Variants in PHLPP1 observed in about 807,000 individuals in gnomAD.
PHLPP1 encodes PH domain and leucine rich repeat protein phosphatase 1, also known as PH domain leucine-rich repeat-containing protein phosphatase 1.
Under a neutral mutation model 117.2 loss-of-function variants are expected in PHLPP1, and 42 were observed. The observed-to-expected ratio is 0.36, with a 90% CI of 0.28 to 0.46. The LOEUF is 0.46. Among genes scored for constraint, PHLPP1 ranks in the 20% least tolerant of loss-of-function variants. PHLPP1 has a pLI of 1.00. For synonymous variants in PHLPP1, 1,042 were observed against 970.7 expected, an observed-to-expected ratio of 1.07 and a Z score of -1.37; for missense variants, 2,084 against 2,241.9, an observed-to-expected ratio of 0.93 and a Z score of 1.42.
At chr18:62,925,021 C>T (rs1395325074) in intron 10 of PHLPP1, among the ~76,000 whole-genome samples, 1 of 151,756 alleles carries the variant, frequency 6.6e-6, no homozygotes, top group African/African-American at 2.4e-5. Context: ...AGATCATGGG[C>T]CTAGATTTCT....
intron 1 of PHLPP1, among the ~76,000 whole-genome samples, chr18:62,729,499 C>T (rs1025001881): frequency 3.3e-5 from 5 of 152,230 alleles, no homozygotes; most frequent in African/African-American, 1.2e-4. Context: ...GAGTTCGAGA[C>T]CCTGTCCCTA....
intron 1 of PHLPP1, among the ~76,000 whole-genome samples, chr18:62,819,691 G>A (rs1207958882): frequency 6.6e-6 from 1 of 152,102 alleles, no homozygotes; most frequent in Non-Finnish European, 1.5e-5. Context: ...TGTTGCACAG[G>A]CTGGAGTGCA....
chr18:62,921,364 C>G (rs545997099), intron 10 of PHLPP1, among the ~76,000 whole-genome samples: 1 of 152,290 alleles, frequency 6.6e-6, no homozygotes, highest in African/African-American at 2.4e-5. Flanking sequence ...TAAATGTTAG[C>G]TATGTTTCAG....
Position 62,895,817 on chromosome 18 carries a change from A to G in PHLPP1, c.2250A>G (p.Gln750=), listed in dbSNP as rs145325917. ...TTTTGTTGGATGGAAACTTTCTCCA[A>G]TCCCTTCCTGCTGAGTTGGAGAACA... ...QTFLLDGNFL[Q]SLPAELENMK... Residue 750 remains glutamine, a synonymous_variant, in exon 6 of 17, where the codon CAA becomes CAG. Transcript: ENST00000262719. The G allele has an allele frequency of 4.5e-5, 73 of 1,613,244 alleles. No homozygotes were observed. Among genetic ancestry groups the G allele is most frequent in the Non-Finnish European group, 5.4e-5 (64 of 1,179,222 alleles).
At chr18:62,741,064 G>C (rs1478733937) in intron 1 of PHLPP1, among the ~76,000 whole-genome samples, 1 of 152,170 alleles carries the variant, frequency 6.6e-6, no homozygotes, top group Non-Finnish European at 1.5e-5. Flanking sequence ...TAGCAAAGTT[G>C]TGTTTTGTAG....
chr18:62,867,250 A>G (rs1400025721), intron 4 of PHLPP1, among the ~76,000 whole-genome samples: 1 of 152,008 alleles, frequency 6.6e-6, no homozygotes, highest in Non-Finnish European at 1.5e-5. Flanking sequence ...TATTATGTGT[A>G]TACTGCTATG....
intron 1 of PHLPP1, among the ~76,000 whole-genome samples, chr18:62,748,899 T>C (rs886274990): frequency 3.3e-5 from 5 of 152,212 alleles, no homozygotes; most frequent in Non-Finnish European, 5.9e-5. Context: ...GTGTGTTCTT[T>C]AGTTCTCATT....
At position 62,958,843 on chromosome 18, in the gene PHLPP1, A is replaced by G. The variant is rs1039338126; in HGVS notation, c.3455+84A>G. The G allele has an allele frequency of 1.4e-5, 20 of 1,462,788 alleles. No homozygotes were observed. In the African/African-American group the frequency reaches 2.6e-4, roughly 19 times the overall value. 90.6% of individuals were successfully genotyped at this position (1,462,788 alleles called of 1,614,324 possible). ...TCTTAGTGAAAATGGGAAACAAAAT[A>G]TGAAGCATCATTGACTTGTTAGCTG... On this transcript the variant is annotated intron_variant, in intron 13 of 16. Coordinates refer to ENST00000262719, the MANE Select transcript of PHLPP1 (RefSeq NM_194449.4).
In PHLPP1 at chr18:62,860,610, G is replaced by T. The variant is rs192314431; in HGVS notation, c.2066+9G>T. 2 of 1,607,736 alleles carry T rather than the reference G, an allele frequency of 1.2e-6. No homozygotes were observed. On this transcript the variant is annotated intron_variant, in intron 4 of 16. Coordinates refer to ENST00000262719, the MANE Select transcript of PHLPP1 (RefSeq NM_194449.4). ...CTTAATGAACTGCAAAGGTAAGCCT[G>T]CAGAAATGGGTAGATCATTAGGAAG... is the stretch of plus-strand genomic sequence containing the variant.
Position 62,941,776 on chromosome 18 carries a change from T to C in PHLPP1, c.3019T>C (p.Ser1007Pro). Residue 1007 changes from serine (S) to proline (P), a missense_variant, in exon 11 of 17, where the codon TCC (serine) becomes CCC (proline). Ser to Pro is a moderately conservative substitution (Grantham distance 74). Coordinates refer to ENST00000262719, the MANE Select transcript of PHLPP1 (RefSeq NM_194449.4). ...GGAAAGCCTTCCTCCAGCCACGCTT[T>C]CCGAAGAGACAAACAGTATCTTACA... ...KLESLPPATL[S>P]EETNSILQEL... 1 of 1,613,992 alleles carries C rather than the reference T, an allele frequency of 6.2e-7. No individual in the cohort carries two copies. Among genetic ancestry groups the C allele is most frequent in the Non-Finnish European group, 8.5e-7 (1 of 1,179,868 alleles).
intron 1 of PHLPP1, among the ~76,000 whole-genome samples, chr18:62,812,499 G>A (rs1318664868): frequency 6.6e-6 from 1 of 152,044 alleles, no homozygotes; most frequent in African/African-American, 2.4e-5. Flanking sequence ...AGTAAATAGG[G>A]GTATACTGGA....
At chr18:62,800,318 G>A (rs376586611) in intron 1 of PHLPP1, among the ~76,000 whole-genome samples, 26 of 152,266 alleles carry the variant, frequency 1.7e-4, no homozygotes, top group African/African-American at 5.8e-4. Flanking sequence ...CTTCGTTTGC[G>A]TTATAAATTA....
At chr18:62,913,952 G>C (rs1428010630) in intron 8 of PHLPP1, among the ~76,000 whole-genome samples, 1 of 151,980 alleles carries the variant, frequency 6.6e-6, no homozygotes, top group African/African-American at 2.4e-5. Flanking sequence ...CACCATGTTA[G>C]TCAGGCTTGT....
intron 2 of PHLPP1, chr18:62,838,521 G>A (rs1218264031): frequency 2.9e-6 from 1 of 339,468 alleles, no homozygotes; most frequent in African/African-American, 2.1e-5. Context: ...AATAAGAAAG[G>A]GAGTCTGGAC....
chr18:62,895,293 T>C (rs1916528141), intron 5 of PHLPP1, 136 bp downstream of exon 5: 2 of 803,340 alleles, frequency 2.5e-6, no homozygotes, highest in African/African-American at 1.7e-5. Flanking sequence ...GATCAGGGAC[T>C]ATGTAGTCCG....
chr18:62,830,026 T>C lies in PHLPP1; in HGVS notation c.1577-9T>C, dbSNP rs1914713282. The C allele has an allele frequency of 6.3e-7, 1 of 1,594,904 alleles. No homozygotes were observed. Among genetic ancestry groups the C allele is most frequent in the African/African-American group, 1.3e-5 (1 of 74,466 alleles). ...AAAAGAATAACATGTTTGCTTCTGT[T>C]TATTTCAGGAAAACCTCACAGCACG... On this transcript the variant is annotated splice_polypyrimidine_tract_variant and intron_variant, in intron 1 of 16. Coordinates refer to ENST00000262719, the MANE Select transcript of PHLPP1 (RefSeq NM_194449.4).
intron 4 of PHLPP1, among the ~76,000 whole-genome samples, chr18:62,887,312 G>A (rs1916309730): frequency 6.6e-6 from 1 of 152,108 alleles, no homozygotes; most frequent in South Asian, 2.1e-4. Context: ...GAAAATTAAA[G>A]AAAATGACTT....
intron 1 of PHLPP1, among the ~76,000 whole-genome samples, chr18:62,724,969 TAA>T (rs982628750): frequency 6.6e-6 from 1 of 152,102 alleles, no homozygotes; most frequent in African/African-American, 2.4e-5. Flanking sequence ...GTGAAATTGT[TAA>T]AAGAATAAAA....
intron 1 of PHLPP1, chr18:62,779,604 A>G (rs1913063362): frequency 6.6e-6 from 1 of 152,236 alleles, no homozygotes. Flanking sequence ...TAAATTACTC[A>G]GTAATTGATT....
Sources: gnomAD v4.1 joint callset for allele counts (sites outside exome capture counted in the v4.1 genomes callset) on GRCh38, gnomAD v4.1.1 for gene constraint, MANE v1.5 for transcripts, NCBI Gene and HGNC (gene_info 2026-07-23, HGNC 2026-07-21) for gene names.